The following ZNF554 variants were observed in gnomAD, a reference collection of about 807,000 sequenced individuals.
The protein encoded by ZNF554 is zinc finger protein 554.
ZNF554 carries 15 observed loss-of-function variants against 21.2 expected under a neutral mutation model. The observed-to-expected ratio is 0.71, with a 90% CI of 0.47 to 1.09. The LOEUF is 1.09. Ranked by LOEUF, ZNF554 falls within the 50% of genes least tolerant of loss-of-function variation. ZNF554 has a pLI of 0.00. For missense variants in ZNF554, 691 were observed against 662.7 expected (o/e 1.04, Z -0.47); for synonymous variants, 258 against 251.4 (o/e 1.03, Z -0.25).
At position 2,835,632 on chromosome 19, in the gene ZNF554, G is replaced by A. The variant is rs2087489649; in HGVS notation, c.*780G>A. The A allele has an allele frequency of 6.6e-6, 1 of 152,182 alleles. No homozygotes were observed. Among genetic ancestry groups the A allele is most frequent in the South Asian group, 2.1e-4 (1 of 4,836 alleles). 9.4% of individuals were successfully genotyped at this position (152,182 alleles called of 1,614,324 possible). On this transcript the variant is annotated 3_prime_UTR_variant, in exon 5 of 5. Coordinates refer to ENST00000317243, the MANE Select transcript of ZNF554 (RefSeq NM_001102651.2). ...CTGACGGGGCCTTTTAGTGGGAGGA[G>A]TTGCCATTACACTACGTCCAGTAAG...
At chr19:2,826,870 G>A (rs2087342435) in intron 2 of ZNF554, among the ~76,000 whole-genome samples, 1 of 151,966 alleles carries the variant, frequency 6.6e-6, no homozygotes, top group East Asian at 1.9e-4. Flanking sequence ...CACTGCGTTC[G>A]CCAGGATGGT....
chr19:2,834,046 A>C lies in ZNF554; in HGVS notation c.811A>C (p.Arg271=). Residue 271 remains arginine, a synonymous_variant, in exon 5 of 5, where the codon AGA becomes CGA. Transcript: ENST00000317243. ...NHHQLGYADR[R]PCESNECGNA... is the part of the protein sequence containing the mutation. ...CCATCAGCTGGGATATGCAGATCGG[A>C]GACCTTGTGAAAGTAATGAATGTGG... 1.2e-6 allele frequency: 2 copies of C among 1,614,136 alleles called. No individual in the cohort carries two copies. The highest frequency in any genetic ancestry group is 3.3e-4 in the Middle Eastern group (2 of 6,062).
chr19:2,823,295 T>C (rs1041158775), intron 2 of ZNF554, among the ~76,000 whole-genome samples, 183 bp downstream of exon 2: 21 of 152,154 alleles, frequency 1.4e-4, no homozygotes, highest in African/African-American at 5.1e-4. Context: ...CCCTCAGTAT[T>C]GGGACTGAGC....
chr19:2,836,271 A>C lies in ZNF554; in HGVS notation c.*1419A>C, dbSNP rs2087496002. Among the ~76,000 whole-genome samples, 4 of 150,492 alleles carry C rather than the reference A, an allele frequency of 2.7e-5. No homozygotes were observed. In the South Asian group the frequency reaches 8.4e-4, roughly 32 times the overall value. On this transcript the variant is annotated 3_prime_UTR_variant, in exon 5 of 5. Transcript: ENST00000317243. ...TACGGGCGTGAGCCACTGTGCTGGG[A>C]TTACGGGCGCGAGCCACTGTGCTGG...
intron 3 of ZNF554, among the ~76,000 whole-genome samples, chr19:2,829,169 A>G (rs1306529918): frequency 6.6e-6 from 1 of 151,878 alleles, no homozygotes; most frequent in Non-Finnish European, 1.5e-5. Flanking sequence ...GACCAGCCTG[A>G]CCAATGTGGC....
chr19:2,825,322 T>A (rs1568332642), intron 2 of ZNF554, among the ~76,000 whole-genome samples: 1 of 151,920 alleles, frequency 6.6e-6, no homozygotes, highest in Non-Finnish European at 1.5e-5. Context: ...CCTCTGCAGT[T>A]TTATTTAAGA....
chr19:2,825,345 C>G (rs772487329), intron 2 of ZNF554, among the ~76,000 whole-genome samples: 2 of 152,024 alleles, frequency 1.3e-5, no homozygotes, highest in Non-Finnish European at 2.9e-5. Context: ...GAGTTTCGCT[C>G]TGTTGCCCAA....
rs56065950 is a variant in ZNF554, at chr19:2,836,198, T to C, written c.*1346T>C. On this transcript the variant is annotated 3_prime_UTR_variant, in exon 5 of 5. Transcript: ENST00000317243. ...GAGCTGCCCATGCTGGGATTACGGG[T>C]GTGAGCCACCGTGCTGGTATTACGG... Among the ~76,000 whole-genome samples, 1 of 111,148 alleles carries C rather than the reference T, an allele frequency of 9.0e-6. No homozygotes were observed. The highest frequency in any genetic ancestry group is 4.3e-4 in the East Asian group (1 of 2,318). The allele number at this position is 111,148 out of a possible 152,430, so 72.9% of individuals were successfully genotyped here.
Position 2,834,880 on chromosome 19 carries a change from T to A in ZNF554, c.*28T>A. The A allele has an allele frequency of 1.3e-6, 2 of 1,537,378 alleles. No homozygotes were observed. The highest frequency in any genetic ancestry group is 2.7e-5 in the African/African-American group (2 of 72,762). ...ATTGCACGCTGCTTTGTAAGCCACTTTTTAGTACTCTGACACATACATGTG... is the reference window on the plus strand; with the variant it reads ...ATTGCACGCTGCTTTGTAAGCCACTATTTAGTACTCTGACACATACATGTG... On this transcript the variant is annotated 3_prime_UTR_variant, in exon 5 of 5. Coordinates refer to ENST00000317243, the MANE Select transcript of ZNF554 (RefSeq NM_001102651.2).
rs1185897749 is a variant in ZNF554 at position 2,821,672 on chromosome 19, T to A, written c.54-1368T>A. On this transcript the variant is annotated intron_variant, in intron 1 of 4. Transcript: ENST00000317243. The surrounding 1 kb of genome is among the most constrained non-coding windows in gnomAD (Gnocchi z 8.2). The stretch of plus-strand genomic sequence containing the variant: ...GTGTCTCTTTCTCCTTTTTTGTTTT[T>A]ATTTTTATTTTTTGAGATGGGGTCT... Among the ~76,000 whole-genome samples, 2 of 151,802 alleles carry A rather than the reference T, an allele frequency of 1.3e-5. No individual in the cohort carries two copies. The highest frequency in any genetic ancestry group is 3.9e-4 in the East Asian group (2 of 5,190).
chr19:2,834,111 G>C lies in ZNF554; in HGVS notation c.876G>C (p.Gly292=). 3 of 1,614,080 alleles carry C rather than the reference G, an allele frequency of 1.9e-6. No individual in the cohort carries two copies. In the South Asian group the frequency reaches 3.3e-5, roughly 18 times the overall value. The stretch of plus-strand genomic sequence containing the variant: ...AGAACAGTCACTTTATTCAACACGG[G>C]GGGAAGATGTTTGTGTATTTGGAAA... ...IRQNSHFIQH[G]GKMFVYLENG... is the part of the protein sequence containing the mutation. The change falls in exon 5 of 5, where the codon GGG becomes GGC. Residue 292 remains glycine (G), a synonymous_variant. Coordinates refer to ENST00000317243, the MANE Select transcript of ZNF554 (RefSeq NM_001102651.2).
intron 1 of ZNF554, among the ~76,000 whole-genome samples, chr19:2,820,614 A>G (rs1305301376): frequency 6.6e-6 from 1 of 151,088 alleles, no homozygotes; most frequent in African/African-American, 2.4e-5. Context: ...TCCAGTGTCC[A>G]CAGCGCCCTG....
intron 2 of ZNF554, among the ~76,000 whole-genome samples, chr19:2,824,144 C>T (rs1310592648): frequency 1.3e-5 from 2 of 152,174 alleles, no homozygotes; most frequent in African/African-American, 4.8e-5. Context: ...TGCAGAGATG[C>T]CTGGGTCCTG....
rs762811154 is a variant in ZNF554, at chr19:2,834,308, G to A, written c.1073G>A (p.Gly358Glu). The change falls in exon 5 of 5, where the codon GGG becomes GAG. Residue 358 changes from glycine to glutamate, a missense_variant. By Grantham distance (98) the Gly-to-Glu change is moderately conservative (BLOSUM62 -2). Transcript: ENST00000317243. ...AAACCCTACGAGTGTCAGGAGTGTGGGCGAGCCTTTACGCACAGCTCCACC... is the reference window on the plus strand; with the variant it reads ...AAACCCTACGAGTGTCAGGAGTGTGAGCGAGCCTTTACGCACAGCTCCACC... ...GEKPYECQEC[G>E]RAFTHSSTLT... 6.2e-7 allele frequency: 1 copy of A among 1,614,040 alleles called. No individual in the cohort carries two copies. The highest frequency in any genetic ancestry group is 8.5e-7 in the Non-Finnish European group (1 of 1,180,026).
At chr19:2,829,408 G>A (rs555557521) in intron 3 of ZNF554, among the ~76,000 whole-genome samples, 1 of 151,310 alleles carries the variant, frequency 6.6e-6, no homozygotes, top group Admixed American at 6.6e-5. Context: ...CAGCACTCTG[G>A]GAGGCCAAGG....
Position 2,833,793 on chromosome 19 carries a change from G to A in ZNF554, c.558G>A (p.Trp186Ter). ...MIKLIREDGGWKQLEDSHEDP... is the reference protein window; with the variant it reads ...MIKLIREDGG ...AGCTTATCAGAGAAGATGGGGGATG[G>A]AAGCAGTTAGAGGACAGCCATGAAG... The change falls in exon 5 of 5, where the codon TGG becomes TGA. Residue 186 changes from tryptophan (W) to a stop codon, truncating the protein, a stop_gained. Coordinates refer to ENST00000317243, the MANE Select transcript of ZNF554 (RefSeq NM_001102651.2). LOFTEE classifies it low-confidence loss of function (END_TRUNC). 2 of 1,610,700 alleles carry A rather than the reference G, an allele frequency of 1.2e-6. No homozygotes were observed. The highest frequency in any genetic ancestry group is 2.2e-5 in the East Asian group (1 of 44,818).
intron 1 of ZNF554, among the ~76,000 whole-genome samples, chr19:2,820,705 C>A (rs1287437566): frequency 1.6e-5 from 1 of 64,248 alleles, no homozygotes; most frequent in South Asian, 4.2e-4. Flanking sequence ...TTTTTTGAGA[C>A]GGAGTCTGGA....
chr19:2,834,605 C>T lies in ZNF554; in HGVS notation c.1370C>T (p.Thr457Ile), dbSNP rs753374510. 6.2e-7 allele frequency: 1 copy of T among 1,613,942 alleles called. No individual in the cohort carries two copies. Among genetic ancestry groups the T allele is most frequent in the East Asian group, 2.2e-5 (1 of 44,852 alleles). The stretch of plus-strand genomic sequence containing the variant: ...TCCTCTCTCAACCAGCACGAGCGAA[C>T]TCACACGGGCGAGAACCCCTATGAA... ...DRSSLNQHER[T>I]HTGENPYECK... is the part of the protein sequence containing the mutation. The change falls in exon 5 of 5, where the codon ACT (threonine) becomes ATT (isoleucine). Residue 457 changes from threonine (T) to isoleucine (I), a missense_variant. Physicochemically the swap from Thr to Ile is moderately conservative, Grantham distance 89. Coordinates refer to ENST00000317243, the MANE Select transcript of ZNF554 (RefSeq NM_001102651.2).
chr19:2,826,678 T>G (rs1370765421), intron 2 of ZNF554, among the ~76,000 whole-genome samples: 2 of 151,614 alleles, frequency 1.3e-5, no homozygotes, highest in African/African-American at 4.9e-5. Flanking sequence ...TTTTTTTTTT[T>G]TGAGATGGAG....
Sources: gnomAD v4.1 joint callset for allele counts (sites outside exome capture counted in the v4.1 genomes callset) on GRCh38, gnomAD v4.1.1 for gene constraint, Gnocchi (gnomAD v3.1) non-coding constraint, MANE v1.5 for transcripts, NCBI Gene and HGNC (gene_info 2026-07-23, HGNC 2026-07-21) for gene names.